Variants in CSMD1 observed in about 807,000 individuals in gnomAD.
The protein encoded by CSMD1 is CUB and Sushi multiple domains 1.
A neutral mutation model predicts 417.5 loss-of-function variants in CSMD1; 213 were observed. The ratio of observed to expected loss-of-function variants is 0.51; its 90% CI spans 0.46 to 0.57. CSMD1 has a LOEUF of 0.57. CSMD1 is among the 20% of genes least tolerant of loss of function. CSMD1 has a pLI of 0.00. For synonymous variants in CSMD1, 2,862 were observed against 1,736.8 expected, an observed-to-expected ratio of 1.65 and a Z score of -16.11; for missense variants, 6,923 against 4,529.7, an observed-to-expected ratio of 1.53 and a Z score of -15.17.
chr8:4,959,873 G>T (rs1279983751), intron 1 of CSMD1, among the ~76,000 whole-genome samples: 1 of 152,122 alleles, frequency 6.6e-6, no homozygotes, highest in African/African-American at 2.4e-5. Flanking sequence ...GTCTCAATGA[G>T]GTGAACTCCC....
At chr8:4,965,680 G>C (rs1809812569) in intron 1 of CSMD1, among the ~76,000 whole-genome samples, 1 of 152,126 alleles carries the variant, frequency 6.6e-6, no homozygotes, top group Non-Finnish European at 1.5e-5. Flanking sequence ...TCTCCCATAA[G>C]GTTGGCTGGA....
intron 5 of CSMD1, among the ~76,000 whole-genome samples, chr8:3,853,050 G>C (rs1227775900): frequency 6.6e-6 from 1 of 152,086 alleles, no homozygotes; most frequent in African/African-American, 2.4e-5. Flanking sequence ...CATGTCATCA[G>C]TCGAGCAACC....
Position 4,994,471 on chromosome 8 carries a change from G to T in CSMD1, c.-55C>A. On this transcript the variant is annotated 5_prime_UTR_variant, in exon 1 of 70. Transcript: ENST00000635120. ...CCGATGGCTCCTCCGAGGAAGGCAG[G>T]GCTATGAGCGGAGCCAAATAATCAC... 6.7e-7 allele frequency: 1 copy of T among 1,496,934 alleles called. No homozygotes were observed. Among genetic ancestry groups the T allele is most frequent in the Non-Finnish European group, 9.2e-7 (1 of 1,085,612 alleles). 92.7% of individuals were successfully genotyped at this position (1,496,934 alleles called of 1,614,324 possible).
intron 23 of CSMD1, among the ~76,000 whole-genome samples, chr8:3,309,020 G>T (rs555045882): frequency 9.2e-5 from 14 of 152,010 alleles, no homozygotes; most frequent in Admixed American, 7.9e-4. Flanking sequence ...CACTGCGCCC[G>T]GCCCCTCAAG....
chr8:4,309,404 G>C (rs1193708657), intron 3 of CSMD1, among the ~76,000 whole-genome samples: 2 of 151,744 alleles, frequency 1.3e-5, no homozygotes, highest in Non-Finnish European at 2.9e-5. Flanking sequence ...CAAAAGCTTT[G>C]GAAATTTGAA....
intron 26 of CSMD1, among the ~76,000 whole-genome samples, chr8:3,241,509 GGAGT>G (rs1263665406): frequency 2.0e-4 from 31 of 152,316 alleles, no homozygotes; most frequent in Admixed American, 1.2e-3. Context: ...GATCTGGGAA[GGAGT>G]GAGTCAGAGA....
At chr8:3,587,381 G>C (rs575259870) in intron 8 of CSMD1, among the ~76,000 whole-genome samples, 43 of 152,178 alleles carry the variant, frequency 2.8e-4, no homozygotes, top group African/African-American at 4.8e-5. Flanking sequence ...TTCTACTCAT[G>C]TTTTTAGTTT....
In CSMD1 at chr8:2,976,347, C is replaced by A. The variant is rs147826920; in HGVS notation, c.8567-1723G>T. On this transcript the variant is annotated intron_variant, in intron 55 of 69. Transcript: ENST00000635120. Reference sequence around the variant, plus strand: ...GTAGATCCGATTCATAATGTAAGTGCCATTTCCCTCCTCATTTCTATTTTT... The same window carrying A: ...GTAGATCCGATTCATAATGTAAGTGACATTTCCCTCCTCATTTCTATTTTT... Among the ~76,000 whole-genome samples, 169 of 152,056 alleles carry A rather than the reference C, an allele frequency of 1.1e-3. 2 individuals carry two copies. The East Asian group carries it at 0.027, about 25-fold the overall frequency.
At chr8:3,624,973 A>G (rs1244239847) in intron 7 of CSMD1, among the ~76,000 whole-genome samples, 1 of 152,184 alleles carries the variant, frequency 6.6e-6, no homozygotes, top group African/African-American at 2.4e-5. Context: ...AATTTGAACA[A>G]TAAGAAAATG....
At chr8:4,559,169 T>C (rs1385706911) in intron 2 of CSMD1, among the ~76,000 whole-genome samples, 7 of 152,212 alleles carry the variant, frequency 4.6e-5, no homozygotes, top group African/African-American at 1.2e-4. Flanking sequence ...CTTTGTATTA[T>C]TGTCAACTTA....
chr8:3,380,454 G>A (rs1432229581), intron 18 of CSMD1, among the ~76,000 whole-genome samples: 1 of 152,068 alleles, frequency 6.6e-6, no homozygotes, highest in African/African-American at 2.4e-5. Flanking sequence ...GTTTATTGCA[G>A]CCCTGTTCAC....
intron 3 of CSMD1, among the ~76,000 whole-genome samples, chr8:4,354,259 G>T (rs1476527503): frequency 6.6e-6 from 1 of 152,096 alleles, no homozygotes; most frequent in Non-Finnish European, 1.5e-5. Context: ...TGTAGATCAC[G>T]GTGTTATTTT....
intron 1 of CSMD1, among the ~76,000 whole-genome samples, chr8:4,736,642 T>G (rs529581493): frequency 6.6e-6 from 1 of 152,072 alleles, no homozygotes; most frequent in Non-Finnish European, 1.5e-5. Flanking sequence ...CACCTAATTA[T>G]CAAAAGGAAT....
intron 10 of CSMD1, among the ~76,000 whole-genome samples, chr8:3,569,501 C>A (rs1799858596): frequency 6.6e-6 from 1 of 152,122 alleles, no homozygotes; most frequent in African/African-American, 2.4e-5. Flanking sequence ...TCGGAAACTG[C>A]TTTTCTGTCC....
rs536140531 is a variant in CSMD1, at chr8:4,359,180, A to G, written c.415+60773T>C. 1.4e-4 allele frequency among the ~76,000 whole-genome samples: 21 copies of G among 152,280 alleles called. No individual in the cohort carries two copies. The South Asian group carries it at 4.4e-3, about 32-fold the overall frequency. The stretch of plus-strand genomic sequence containing the variant: ...CTAATAAGTTACTTGGTTATCAGCA[A>G]TTTCACAAAAGTCCCAGAGCATGAG... On this transcript the variant is annotated intron_variant, in intron 3 of 69. Transcript: ENST00000635120.
intron 1 of CSMD1, among the ~76,000 whole-genome samples, chr8:4,901,979 A>C (rs1563718044): frequency 6.6e-6 from 1 of 152,214 alleles, no homozygotes; most frequent in Non-Finnish European, 1.5e-5. Flanking sequence ...ACATAATGTC[A>C]ACCTCAAACA....
intron 1 of CSMD1, among the ~76,000 whole-genome samples, chr8:4,945,409 T>C (rs1179380673): frequency 6.6e-6 from 1 of 152,100 alleles, no homozygotes; most frequent in Non-Finnish European, 1.5e-5. Context: ...TTTCATATTA[T>C]GTATATTTTT....
At position 4,758,095 on chromosome 8, in the gene CSMD1, A is replaced by C. The variant is rs540423872; in HGVS notation, c.86-120537T>G. 5.3e-5 allele frequency among the ~76,000 whole-genome samples: 8 copies of C among 152,014 alleles called. No homozygotes were observed. In the South Asian group the frequency reaches 1.0e-3, roughly 20 times the overall value. ...TACTTTTCTCAGGTGAGAAATTTCC[A>C]CTGAAACCAACCAAAGGAAATAATT... On this transcript the variant is annotated intron_variant, in intron 1 of 69. Transcript: ENST00000635120.
At chr8:4,408,215 C>A (rs996498802) in intron 3 of CSMD1, among the ~76,000 whole-genome samples, 1 of 152,192 alleles carries the variant, frequency 6.6e-6, no homozygotes, top group African/African-American at 2.4e-5. Context: ...AGGCCCCAGG[C>A]CATTCCTCCT....
Sources: gnomAD v4.1 joint callset for allele counts (sites outside exome capture counted in the v4.1 genomes callset) on GRCh38, gnomAD v4.1.1 for gene constraint, MANE v1.5 for transcripts, NCBI Gene and HGNC (gene_info 2026-07-23, HGNC 2026-07-21) for gene names.